The following SMG6 variants were observed in gnomAD, a reference collection of about 807,000 sequenced individuals.
SMG6 encodes telomerase-binding protein EST1A.
A neutral mutation model predicts 142.2 loss-of-function variants in SMG6; 66 were observed. That is an observed-to-expected ratio of 0.46 (90% CI 0.38 to 0.57). The LOEUF is 0.57. SMG6 is among the 20% of genes least tolerant of loss of function. The pLI is 0.00. For missense variants in SMG6, 1,793 were observed against 1,832.0 expected, an observed-to-expected ratio of 0.98 and a Z score of 0.39; for synonymous variants, 779 against 702.4, an observed-to-expected ratio of 1.11 and a Z score of -1.72.
chr17:2,170,397 A>T (rs560544709), intron 13 of SMG6, among the ~76,000 whole-genome samples: 3 of 152,208 alleles, frequency 2.0e-5, no homozygotes, highest in Non-Finnish European at 4.4e-5. Flanking sequence ...GTCCCACACT[A>T]AAAGACAGCT....
At chr17:2,282,345 A>C (rs144812077) in intron 8 of SMG6, among the ~76,000 whole-genome samples, 1 of 149,670 alleles carries the variant, frequency 6.7e-6, no homozygotes, top group East Asian at 2.0e-4. Flanking sequence ...AAAATCCCAC[A>C]TAGAATCCTA....
intron 8 of SMG6, among the ~76,000 whole-genome samples, chr17:2,260,076 T>C (rs1452975862): frequency 6.6e-6 from 1 of 152,242 alleles, no homozygotes; most frequent in Non-Finnish European, 1.5e-5. Context: ...CAGGTTTGGA[T>C]GTGAACTTCT....
chr17:2,183,517 G>A (rs1204390520), intron 12 of SMG6, among the ~76,000 whole-genome samples: 3 of 152,092 alleles, frequency 2.0e-5, no homozygotes, highest in Non-Finnish European at 2.9e-5. Context: ...ACAGCCTGTG[G>A]CAACTACTCA....
intron 10 of SMG6, among the ~76,000 whole-genome samples, chr17:2,204,413 C>A (rs551215712): frequency 6.6e-6 from 1 of 152,330 alleles, no homozygotes; most frequent in South Asian, 2.1e-4. Context: ...AGAAACTCAT[C>A]CCAAAATGGT....
At chr17:2,264,715 C>G (rs961295468) in intron 8 of SMG6, among the ~76,000 whole-genome samples, 9 of 151,500 alleles carry the variant, frequency 5.9e-5, no homozygotes, top group Non-Finnish European at 1.5e-5. Context: ...CAGCCTGACC[C>G]ACATGGTGAA....
intron 13 of SMG6, among the ~76,000 whole-genome samples, chr17:2,108,048 A>C (rs1237956766): frequency 6.6e-6 from 1 of 152,144 alleles, no homozygotes; most frequent in Non-Finnish European, 1.5e-5. Flanking sequence ...CTTAGCCTAC[A>C]AGATAAATCT....
intron 9 of SMG6, among the ~76,000 whole-genome samples, chr17:2,240,468 C>T (rs955195136): frequency 1.5e-5 from 2 of 136,442 alleles, no homozygotes; most frequent in African/African-American, 6.1e-5. Flanking sequence ...AGCCATGTGA[C>T]AGGGTGGAAA....
At chr17:2,184,200 T>G (rs1021496507) in intron 12 of SMG6, among the ~76,000 whole-genome samples, 1 of 151,752 alleles carries the variant, frequency 6.6e-6, no homozygotes, top group African/African-American at 2.4e-5. Flanking sequence ...CCATCTCTAC[T>G]AAACATAAAA....
intron 13 of SMG6, among the ~76,000 whole-genome samples, chr17:2,119,172 C>T (rs1019596237): frequency 6.6e-6 from 1 of 151,704 alleles, no homozygotes; most frequent in African/African-American, 2.4e-5. Context: ...ATTCTCCTGA[C>T]TCAGCCTCCC....
chr17:2,064,060 G>A (rs2151381753), intron 18 of SMG6, among the ~76,000 whole-genome samples: 1 of 152,292 alleles, frequency 6.6e-6, no homozygotes, highest in East Asian at 1.9e-4. Flanking sequence ...GGAGTGAGGG[G>A]CTGTGTCTGT....
At chr17:2,288,563 A>G (rs1279556990) in intron 6 of SMG6, among the ~76,000 whole-genome samples, 1 of 150,978 alleles carries the variant, frequency 6.6e-6, no homozygotes, top group East Asian at 2.0e-4. Flanking sequence ...CAGAGGTTGC[A>G]GTGAGCCAAG....
At chr17:2,184,501 T>C (rs2071909889) in intron 12 of SMG6, among the ~76,000 whole-genome samples, 1 of 147,738 alleles carries the variant, frequency 6.8e-6, no homozygotes, top group African/African-American at 2.5e-5. Context: ...CTACTAAAAA[T>C]AAAAAATTAG....
At chr17:2,183,786 A>G (rs997450994) in intron 12 of SMG6, among the ~76,000 whole-genome samples, 1 of 122,094 alleles carries the variant, frequency 8.2e-6, no homozygotes, top group Non-Finnish European at 1.7e-5. Flanking sequence ...ACACACACAC[A>G]CACACAGCAG....
At chr17:2,132,782 C>A (rs1350785508) in intron 13 of SMG6, among the ~76,000 whole-genome samples, 1 of 152,146 alleles carries the variant, frequency 6.6e-6, no homozygotes, top group African/African-American at 2.4e-5. Context: ...CAAGAAGGCA[C>A]ATTAAATATA....
chr17:2,267,969 G>A (rs1359862536), intron 8 of SMG6, among the ~76,000 whole-genome samples: 2 of 152,012 alleles, frequency 1.3e-5, no homozygotes, highest in Non-Finnish European at 2.9e-5. Flanking sequence ...GGGTAGTCTC[G>A]ATCTCCTGAC....
intron 12 of SMG6, among the ~76,000 whole-genome samples, chr17:2,178,149 G>C (rs951384078): frequency 6.6e-6 from 1 of 152,202 alleles, no homozygotes; most frequent in African/African-American, 2.4e-5. Flanking sequence ...GTTTGCATTG[G>C]GCGAAGGATT....
chr17:2,160,005 G>A (rs1483910080), intron 13 of SMG6, among the ~76,000 whole-genome samples: 4 of 152,326 alleles, frequency 2.6e-5, no homozygotes, highest in African/African-American at 9.6e-5. Context: ...GCCTGGGGCA[G>A]GGAGTAGGAT....
At chr17:2,300,731 G>T in intron 1 of SMG6, 67 bp from the exon 2 acceptor site, 1 of 1,393,020 alleles carries the variant, frequency 7.2e-7, no homozygotes, top group Non-Finnish European at 9.7e-7. Context: ...GAAGATAGGG[G>T]AAAGACTGTC....
rs1385357887 is a variant in SMG6, at chr17:2,061,506, C to T, written c.4246G>A (p.Ala1416Thr). The T allele has an allele frequency of 6.4e-7, 1 of 1,573,042 alleles. No homozygotes were observed. The part of the protein sequence containing the change: ...VRDIPAFLTW[A>T]QVG ...GTGTGGCTCCCTCAGCCCACCTGGG[C>T]CCACGTGAGGAAGGCTGGGATGTCC... is the stretch of plus-strand genomic sequence containing the variant. Residue 1416 changes from alanine (A) to threonine (T), a missense_variant, in exon 19 of 19, where the codon GCC (alanine) becomes ACC (threonine). Physicochemically the swap from Ala to Thr is moderately conservative, Grantham distance 58. Coordinates refer to ENST00000263073, the MANE Select transcript of SMG6 (RefSeq NM_017575.5).
Sources: allele counts gnomAD v4.1 joint callset (sites outside exome capture counted in the v4.1 genomes callset), GRCh38; gene constraint gnomAD v4.1.1; transcripts MANE v1.5; gene names NCBI Gene and HGNC (gene_info 2026-07-23, HGNC 2026-07-21).